Variants in FTO observed in about 807,000 individuals in gnomAD.
The protein encoded by FTO is FTO alpha-ketoglutarate dependent dioxygenase.
FTO carries 47 observed loss-of-function variants against 63.9 expected under a neutral mutation model. The observed-to-expected ratio is 0.74, with a 90% CI of 0.58 to 0.94. The LOEUF (loss-of-function observed/expected upper bound fraction) is 0.94, where lower values mean the gene tolerates loss of function less well. Among genes scored for constraint, FTO ranks in the 40% least tolerant of loss-of-function variants. The pLI, the probability that FTO is intolerant of heterozygous loss-of-function variation, is 0.00. For missense variants in FTO, 562 were observed against 618.1 expected, an observed-to-expected ratio of 0.91 and a Z score of 0.96; for synonymous variants, 207 against 224.4, an observed-to-expected ratio of 0.92 and a Z score of 0.69.
intron 6 of FTO, among the ~76,000 whole-genome samples, chr16:53,888,467 T>A (rs2081065732): frequency 2.9e-5 from 4 of 136,392 alleles, no homozygotes; most frequent in South Asian, 2.2e-4. Flanking sequence ...AATTGTTTTA[T>A]TAGTAGCTTG....
At chr16:53,712,945 GT>G (rs111905901) in intron 1 of FTO, among the ~76,000 whole-genome samples, 5,099 of 136,916 alleles carry the variant, frequency 0.037, 157 homozygotes, top group East Asian at 0.15. Context: ...TAGAGATCAT[GT>G]TTTTTTTTTT....
chr16:54,030,416 C>T (rs1390705937), intron 8 of FTO, among the ~76,000 whole-genome samples: 2 of 152,150 alleles, frequency 1.3e-5, no homozygotes, highest in African/African-American at 2.4e-5. Context: ...GTATAAAAAG[C>T]ATTATCTGGC....
At chr16:54,074,689 C>A (rs748686619) in intron 8 of FTO, among the ~76,000 whole-genome samples, 5 of 151,938 alleles carry the variant, frequency 3.3e-5, no homozygotes, top group Admixed American at 6.6e-5. Flanking sequence ...GGATGAATAT[C>A]CTTGTCTAAA....
chr16:53,724,929 A>T (rs1050847355), intron 1 of FTO, among the ~76,000 whole-genome samples: 1 of 152,216 alleles, frequency 6.6e-6, no homozygotes, highest in African/African-American at 2.4e-5. Flanking sequence ...AACTTATTCA[A>T]GTCCAGTAAA....
intron 4 of FTO, among the ~76,000 whole-genome samples, chr16:53,872,115 C>G (rs920385590): frequency 2.0e-5 from 3 of 152,180 alleles, no homozygotes; most frequent in African/African-American, 7.2e-5. Context: ...AGCCCTACTT[C>G]TGCAGTGATG....
chr16:53,895,778 G>T (rs535931384), intron 7 of FTO, among the ~76,000 whole-genome samples: 113 of 152,298 alleles, frequency 7.4e-4, no homozygotes, highest in African/African-American at 2.6e-3. Context: ...CGTTCCTAGT[G>T]CCTCTGCTCT....
intron 8 of FTO, among the ~76,000 whole-genome samples, chr16:54,030,933 T>C (rs568027292): frequency 6.6e-6 from 1 of 152,352 alleles, no homozygotes; most frequent in Non-Finnish European, 1.5e-5. Flanking sequence ...TTATGAAGCC[T>C]TAAAATATTA....
intron 8 of FTO, among the ~76,000 whole-genome samples, chr16:54,005,068 TAAAAAAA>T (rs777739385): frequency 3.1e-5 from 3 of 97,758 alleles, no homozygotes; most frequent in African/African-American, 1.1e-4. Context: ...AGGCTCCGTC[TAAAAAAA>T]AAAAAAAAAA....
At chr16:53,706,726 T>C (rs190990974) in intron 1 of FTO, among the ~76,000 whole-genome samples, 202 of 152,344 alleles carry the variant, frequency 1.3e-3, no homozygotes, top group Non-Finnish European at 2.2e-3. Context: ...GATTAATCCA[T>C]GTTGTTGTAT....
intron 7 of FTO, among the ~76,000 whole-genome samples, chr16:53,896,036 A>G (rs1253192955): frequency 6.6e-6 from 1 of 152,124 alleles, no homozygotes; most frequent in Non-Finnish European, 1.5e-5. Flanking sequence ...CACACATTCT[A>G]TATGTAAAGA....
rs374042650 is a variant in FTO at position 53,737,751 on chromosome 16, G to A, written c.45+33522G>A. On this transcript the variant is annotated intron_variant, in intron 1 of 8. Coordinates refer to ENST00000471389, the MANE Select transcript of FTO (RefSeq NM_001080432.3). Reference sequence around the variant, plus strand: ...GGCTCCCTTAGATTAACTTTATGACGAGAGAGTATGTACCCTTCACTCTAC... The same window carrying A: ...GGCTCCCTTAGATTAACTTTATGACAAGAGAGTATGTACCCTTCACTCTAC... Among the ~76,000 whole-genome samples the A allele has an allele frequency of 7.0e-4, 106 of 152,088 alleles. 1 individual carries two copies. Among genetic ancestry groups the A allele is most frequent in the Middle Eastern group, 3.4e-3 (1 of 294 alleles).
At chr16:53,932,397 T>C (rs2082305102) in intron 7 of FTO, among the ~76,000 whole-genome samples, 1 of 151,942 alleles carries the variant, frequency 6.6e-6, no homozygotes, top group Non-Finnish European at 1.5e-5. Flanking sequence ...ATGTGGTTTT[T>C]TTTTTTTTTT....
rs1567352413 is a variant in FTO, at chr16:53,844,309, G to C, written c.895+11G>C. The C allele has an allele frequency of 6.2e-7, 1 of 1,606,952 alleles. No individual in the cohort carries two copies. The highest frequency in any genetic ancestry group is 8.5e-7 in the Non-Finnish European group (1 of 1,173,750). On this transcript the variant is annotated intron_variant, in intron 4 of 8. Transcript: ENST00000471389. ...GCTATTTCATGCTTGGTAATCTTTG[G>C]AAAATCAAAATTATATTGAAACTCT... is the stretch of plus-strand genomic sequence containing the variant.
chr16:54,026,669 C>A (rs1340504808), intron 8 of FTO, among the ~76,000 whole-genome samples: 1 of 152,132 alleles, frequency 6.6e-6, no homozygotes, highest in Non-Finnish European at 1.5e-5. Flanking sequence ...ACTCTCCTGG[C>A]AGCCCTTGAT....
intron 8 of FTO, among the ~76,000 whole-genome samples, chr16:54,088,059 T>A (rs1300177161): frequency 6.6e-6 from 1 of 152,230 alleles, no homozygotes; most frequent in Non-Finnish European, 1.5e-5. Flanking sequence ...ATACATTCAC[T>A]TTGTAAAAAT....
At chr16:53,865,780 G>A (rs1281577933) in intron 4 of FTO, among the ~76,000 whole-genome samples, 3 of 152,120 alleles carry the variant, frequency 2.0e-5, no homozygotes, top group African/African-American at 7.2e-5. Context: ...CTATGAAACT[G>A]CCAGTCAGAT....
intron 8 of FTO, among the ~76,000 whole-genome samples, chr16:54,064,326 G>C (rs2085667396): frequency 6.6e-6 from 1 of 152,076 alleles, no homozygotes; most frequent in Admixed American, 6.6e-5. Context: ...CTTTATTTTA[G>C]TTTATCATTT....
chr16:53,921,857 GAT>G (rs148355602), intron 7 of FTO, among the ~76,000 whole-genome samples: 2 of 151,188 alleles, frequency 1.3e-5, no homozygotes, highest in Non-Finnish European at 3.0e-5. Flanking sequence ...TACTTTTTGT[GAT>G]ATATATATAT....
intron 8 of FTO, chr16:53,993,965 T>C (rs1343303517): frequency 6.6e-6 from 1 of 152,238 alleles, no homozygotes; most frequent in East Asian, 1.9e-4. Flanking sequence ...TTGACAGTCA[T>C]TTCTCTAGCA....
Sources: gnomAD v4.1 joint callset for allele counts (sites outside exome capture counted in the v4.1 genomes callset) on GRCh38, gnomAD v4.1.1 for gene constraint, MANE v1.5 for transcripts, NCBI Gene and HGNC (gene_info 2026-07-23, HGNC 2026-07-21) for gene names.